Variants in HCRTR2 observed in about 807,000 individuals in gnomAD.
HCRTR2 encodes hypocretin receptor 2, also known as orexin receptor type 2.
In HCRTR2, 22 loss-of-function variants were observed where a neutral mutation model predicts 49.0. The ratio of observed to expected loss-of-function variants is 0.45; its 90% CI spans 0.32 to 0.64. The LOEUF (loss-of-function observed/expected upper bound fraction) is 0.64, where lower values mean the gene tolerates loss of function less well. HCRTR2 is among the 30% of genes least tolerant of loss of function. The pLI is 0.04. For missense variants in HCRTR2, 491 were observed against 559.4 expected, an observed-to-expected ratio of 0.88 and a Z score of 1.23; for synonymous variants, 236 against 205.3, an observed-to-expected ratio of 1.15 and a Z score of -1.28.
intron 1 of HCRTR2, among the ~76,000 whole-genome samples, chr6:55,181,270 C>A (rs1289570576): frequency 6.6e-6 from 1 of 152,082 alleles, no homozygotes; most frequent in South Asian, 2.1e-4. Context: ...CCCATATGAC[C>A]AGTCTTTTGA....
chr6:55,278,111 T>C (rs2127332227), intron 5 of HCRTR2, among the ~76,000 whole-genome samples: 1 of 152,332 alleles, frequency 6.6e-6, no homozygotes, highest in Middle Eastern at 3.4e-3. Context: ...ATGTCGAATG[T>C]CTAAACAGAA....
At chr6:55,163,450 A>C (rs1414919669) in intron 1 of HCRTR2, among the ~76,000 whole-genome samples, 1 of 152,106 alleles carries the variant, frequency 6.6e-6, no homozygotes, top group East Asian at 1.9e-4. Flanking sequence ...GGAACAGAAC[A>C]GAGGCCTCAG....
chr6:55,114,133 G>T (rs552377549), intron 1 of HCRTR2, among the ~76,000 whole-genome samples: 97 of 151,690 alleles, frequency 6.4e-4, no homozygotes, highest in Non-Finnish European at 1.3e-3. Flanking sequence ...GGGGAAAAGT[G>T]GAAGGGTGAG....
In HCRTR2 at chr6:55,161,631, T is replaced by TA. The variant is rs542093459; in HGVS notation, c.-377-12574dup. ...AGAGAGAAGAATTGTATAGACACAATAAAAAATGATAAAGGGGAGATCATC... is the reference window on the plus strand; with the variant it reads ...AGAGAGAAGAATTGTATAGACACAATAAAAAAATGATAAAGGGGAGATCATC... On this transcript the variant is annotated intron_variant, in intron 1 of 7. Coordinates refer to the HCRTR2 transcript ENST00000615358. 1.0e-3 allele frequency among the ~76,000 whole-genome samples: 159 copies of TA among 151,704 alleles called. 1 individual carries two copies. The highest frequency in any genetic ancestry group is 3.8e-3 in the African/African-American group (157 of 41,356).
chr6:55,251,522 T>A (rs1399918143), intron 2 of HCRTR2, among the ~76,000 whole-genome samples: 1 of 152,076 alleles, frequency 6.6e-6, no homozygotes, highest in African/African-American at 2.4e-5. Context: ...CAGAGTGATT[T>A]TTTTTAACTG....
intron 1 of HCRTR2, among the ~76,000 whole-genome samples, chr6:55,230,853 T>A (rs1471809258): frequency 6.6e-6 from 1 of 152,150 alleles, no homozygotes. Flanking sequence ...GATTTTTTTT[T>A]TTTTTTACGG....
intron 1 of HCRTR2, among the ~76,000 whole-genome samples, chr6:55,239,772 A>ATTTTTTT (rs35160150): frequency 2.5e-5 from 3 of 121,358 alleles, no homozygotes; most frequent in Non-Finnish European, 3.4e-5. Context: ...TAGGCGGTAA[A>ATTTTTTT]TTTTTTTTTT....
intron 1 of HCRTR2, among the ~76,000 whole-genome samples, chr6:55,208,525 G>T (rs1028476401): frequency 6.6e-6 from 1 of 151,618 alleles, no homozygotes; most frequent in Non-Finnish European, 1.5e-5. Flanking sequence ...AGAATGAATT[G>T]CTCATAAATG....
intron 1 of HCRTR2, among the ~76,000 whole-genome samples, chr6:55,140,995 C>T (rs1007183006): frequency 2.0e-5 from 3 of 152,062 alleles, no homozygotes; most frequent in African/African-American, 7.2e-5. Context: ...ATTTATTCAA[C>T]AAATATTTAT....
chr6:55,261,899 G>A (rs1766764243), intron 3 of HCRTR2, among the ~76,000 whole-genome samples: 2 of 152,070 alleles, frequency 1.3e-5, no homozygotes, highest in South Asian at 2.1e-4. Flanking sequence ...AATCAATGAG[G>A]GAATAAAAAT....
intron 1 of HCRTR2, among the ~76,000 whole-genome samples, chr6:55,232,130 T>A (rs1306420913): frequency 1.3e-5 from 2 of 152,304 alleles, no homozygotes; most frequent in South Asian, 2.1e-4. Flanking sequence ...AACTTAACAA[T>A]ACTTAATAGT....
chr6:55,188,192 G>C (rs1168487422), intron 1 of HCRTR2, among the ~76,000 whole-genome samples: 2 of 152,176 alleles, frequency 1.3e-5, no homozygotes, highest in Non-Finnish European at 2.9e-5. Context: ...ACAAAACACA[G>C]TGTCATACAC....
intron 1 of HCRTR2, among the ~76,000 whole-genome samples, chr6:55,208,448 C>T (rs1342053886): frequency 6.6e-6 from 1 of 151,204 alleles, no homozygotes; most frequent in African/African-American, 2.4e-5. Context: ...GCCAAGATTA[C>T]ACCATTGCAC....
intron 1 of HCRTR2, among the ~76,000 whole-genome samples, chr6:55,190,856 T>A (rs1765303581): frequency 6.6e-6 from 1 of 151,794 alleles, no homozygotes; most frequent in Non-Finnish European, 1.5e-5. Context: ...GTGAAGACCC[T>A]GGAATCTACA....
At chr6:55,221,284 C>G (rs1451216847) in intron 1 of HCRTR2, among the ~76,000 whole-genome samples, 1 of 152,032 alleles carries the variant, frequency 6.6e-6, no homozygotes, top group Non-Finnish European at 1.5e-5. Flanking sequence ...AAACATATTC[C>G]AAAGCCATTG....
At chr6:55,204,467 A>T (rs768397297) in intron 1 of HCRTR2, among the ~76,000 whole-genome samples, 3 of 152,148 alleles carry the variant, frequency 2.0e-5, no homozygotes, top group Non-Finnish European at 4.4e-5. Context: ...AGAATCTTCT[A>T]TACAAACCTG....
intron 1 of HCRTR2, among the ~76,000 whole-genome samples, chr6:55,220,732 A>G (rs957379931): frequency 1.5e-4 from 23 of 152,188 alleles, no homozygotes; most frequent in African/African-American, 5.3e-4. Context: ...AATAAGAAAT[A>G]AAAAGCACTG....
intron 1 of HCRTR2, among the ~76,000 whole-genome samples, chr6:55,154,463 G>A (rs1402459394): frequency 6.6e-6 from 1 of 151,710 alleles, no homozygotes; most frequent in Non-Finnish European, 1.5e-5. Context: ...GCAAGGATAA[G>A]TCAACATATA....
intron 4 of HCRTR2, among the ~76,000 whole-genome samples, chr6:55,266,149 T>A (rs1042948594): frequency 6.6e-6 from 1 of 152,186 alleles, no homozygotes; most frequent in Non-Finnish European, 1.5e-5. Flanking sequence ...ATGGATGTTG[T>A]TTAATAATGG....
Sources: allele counts gnomAD v4.1 joint callset (sites outside exome capture counted in the v4.1 genomes callset), GRCh38; gene constraint gnomAD v4.1.1; transcripts MANE v1.5; gene names NCBI Gene and HGNC (gene_info 2026-07-23, HGNC 2026-07-21).